The following ULK1 variants were observed in gnomAD, a reference collection of about 807,000 sequenced individuals.
ULK1 encodes serine/threonine-protein kinase ULK1.
ULK1 carries 48 observed loss-of-function variants against 117.5 expected under a neutral mutation model. That is an observed-to-expected ratio of 0.41 (90% confidence interval 0.32 to 0.52). ULK1 has a LOEUF of 0.52. ULK1 is among the 20% of genes least tolerant of loss of function. ULK1 has a pLI of 0.29. For synonymous variants in ULK1, 790 were observed against 637.8 expected (o/e 1.24, Z -3.60); for missense variants, 1,387 against 1,473.4 (o/e 0.94, Z 0.96).
intron 23 of ULK1, 85 bp downstream of exon 23, chr12:131,918,766 T>TGTGTGGGGTGTAGG (rs1889985465): frequency 1.7e-6 from 2 of 1,199,504 alleles, no homozygotes; most frequent in Non-Finnish European, 1.1e-6. Context: ...GGGTATAGGG[T>TGTGTGGGGTGTAGG]GTGTGGGGTG....
intron 8 of ULK1, 117 bp from the exon 9 acceptor site, chr12:131,909,658 C>T: frequency 2.7e-6 from 3 of 1,109,112 alleles, no homozygotes; most frequent in South Asian, 1.6e-5. Context: ...CACCCGGTTT[C>T]CCCCGGGCTT....
At position 131,921,764 on chromosome 12, in the gene ULK1, C is replaced by T. The variant is rs763094377; in HGVS notation, c.*403C>T. On this transcript the variant is annotated 3_prime_UTR_variant, in exon 28 of 28. Coordinates refer to ENST00000321867, the MANE Select transcript of ULK1 (RefSeq NM_003565.4). ...AGGCACTGTGCCCAGGAAGAGCCTG[C>T]GGCCTCGGCGTCCCCCAGTCTCCAG... is the stretch of plus-strand genomic sequence containing the variant. 14 of 523,804 alleles carry T rather than the reference C, an allele frequency of 2.7e-5. No individual in the cohort carries two copies. Among genetic ancestry groups the T allele is most frequent in the South Asian group, 1.4e-4 (9 of 65,052 alleles). 32.4% of individuals were successfully genotyped at this position (523,804 alleles called of 1,614,324 possible).
chr12:131,910,345 A>C, intron 11 of ULK1, 41 bp downstream of exon 11: 1 of 1,611,918 alleles, frequency 6.2e-7, no homozygotes, highest in South Asian at 1.1e-5. Context: ...TGGGCCCTGC[A>C]TGCACCCCTT....
rs753887229 is a variant in ULK1 at position 131,909,848 on chromosome 12, G to GCCTTC, written c.725+28_725+32dup. The stretch of plus-strand genomic sequence containing the variant: ...TTGGTCCCCACGTAAGCACCCTCCC[G>GCCTTC]CCTTCCCTTCCCTTCCCCCGCGGGC... On this transcript the variant is annotated intron_variant, in intron 9 of 27. Coordinates refer to ENST00000321867, the MANE Select transcript of ULK1 (RefSeq NM_003565.4). 51 of 1,610,918 alleles carry GCCTTC rather than the reference G, an allele frequency of 3.2e-5. No homozygotes were observed. Among genetic ancestry groups the GCCTTC allele is most frequent in the African/African-American group, 9.3e-5 (7 of 74,984 alleles).
chr12:131,921,028 G>A, intron 26 of ULK1, 72 bp from the exon 27 acceptor site: 1 of 1,492,916 alleles, frequency 6.7e-7, no homozygotes, highest in Admixed American at 2.2e-5. Context: ...CCGCTGCCGT[G>A]GGTGCAGGGC....
chr12:131,906,587 C>G (rs1176686888), intron 3 of ULK1: 1 of 454,070 alleles, frequency 2.2e-6, no homozygotes, highest in Non-Finnish European at 4.0e-6. Flanking sequence ...GTCACACACA[C>G]CTGCCCACAC....
At chr12:131,910,413 G>T in intron 11 of ULK1, 109 bp downstream of exon 11, 1 of 1,516,318 alleles carries the variant, frequency 6.6e-7, no homozygotes, top group Non-Finnish European at 9.1e-7. Flanking sequence ...GTCTTGAGCT[G>T]CGGCCAGCTC....
chr12:131,913,001 G>A (rs1055220980), intron 13 of ULK1, among the ~76,000 whole-genome samples, 197 bp from the exon 14 acceptor site: 3 of 152,172 alleles, frequency 2.0e-5, no homozygotes, highest in Non-Finnish European at 4.4e-5. Flanking sequence ...CTGGTCTCCC[G>A]GAGCTGGCCT....
At chr12:131,916,242 G>A in intron 19 of ULK1, 83 bp downstream of exon 19, 2 of 1,553,182 alleles carry the variant, frequency 1.3e-6, no homozygotes, top group South Asian at 1.2e-5. Flanking sequence ...AAAGACCGAG[G>A]AAGGCAGCTC....
At position 131,917,106 on chromosome 12, in the gene ULK1, GA is replaced by G. The variant is rs761658971; in HGVS notation, c.2182+45del. On this transcript the variant is annotated intron_variant, in intron 21 of 27. Coordinates refer to ENST00000321867, the MANE Select transcript of ULK1 (RefSeq NM_003565.4). The stretch of plus-strand genomic sequence containing the variant: ...CTCGGAGGCTGTGGGATGGGGGTCG[GA>G]GGCTGTGGGATGGGGGTCGGAGGCT... The G allele has an allele frequency of 3.5e-3, 4,455 of 1,285,220 alleles. 280 individuals are homozygous for G. Among genetic ancestry groups the G allele is most frequent in the South Asian group, 0.015 (987 of 65,210 alleles). 79.6% of individuals were successfully genotyped at this position (1,285,220 alleles called of 1,614,324 possible). A position where few individuals can be genotyped will look rare whatever the true frequency, so the allele number is the denominator to read the frequency against.
chr12:131,915,793 T>TG (rs1889751299), intron 18 of ULK1, 98 bp from the exon 19 acceptor site: 1 of 1,511,328 alleles, frequency 6.6e-7, no homozygotes, highest in African/African-American at 1.4e-5. Flanking sequence ...AGTGGGGCCT[T>TG]GGAGTGCGTC....
chr12:131,916,305 G>T, intron 19 of ULK1, 93 bp from the exon 20 acceptor site: 1 of 1,516,114 alleles, frequency 6.6e-7, no homozygotes, highest in Non-Finnish European at 8.9e-7. Flanking sequence ...CCACATGCCT[G>T]CCAGTTCCTG....
At chr12:131,911,448 G>A (rs1034612860) in intron 12 of ULK1, among the ~76,000 whole-genome samples, 34 of 152,226 alleles carry the variant, frequency 2.2e-4, no homozygotes, top group African/African-American at 8.0e-4. Context: ...TGTGGCATCC[G>A]CAGACCTGCC....
intron 10 of ULK1, 73 bp downstream of exon 10, chr12:131,910,074 C>A: frequency 6.3e-7 from 1 of 1,578,708 alleles, no homozygotes. Context: ...GAGCAGGGCC[C>A]ACCGGCTTCA....
rs1362553553 is a variant in ULK1, at chr12:131,909,212, G to T, written c.641G>T (p.Cys214Phe). 2 of 1,607,066 alleles carry T rather than the reference G, an allele frequency of 1.2e-6. No homozygotes were observed. Among genetic ancestry groups the T allele is most frequent in the Admixed American group, 1.7e-5 (1 of 59,392 alleles). Reference protein sequence around the residue: ...LWSIGTIVYQCLTGKAPFQAS... With the variant: ...LWSIGTIVYQFLTGKAPFQAS... ...AGCATCGGCACCATCGTCTACCAGTGCCTGACGGGGAAGGCGCCCTTCCAG... is the reference window on the plus strand; with the variant it reads ...AGCATCGGCACCATCGTCTACCAGTTCCTGACGGGGAAGGCGCCCTTCCAG... Residue 214 changes from cysteine to phenylalanine, a missense_variant, in exon 8 of 28, where the codon TGC becomes TTC. Coordinates refer to ENST00000321867, the MANE Select transcript of ULK1 (RefSeq NM_003565.4).
intron 13 of ULK1, among the ~76,000 whole-genome samples, 198 bp from the exon 14 acceptor site, chr12:131,913,000 C>G (rs537428165): frequency 6.6e-6 from 1 of 151,982 alleles, no homozygotes; most frequent in South Asian, 2.1e-4. Flanking sequence ...TCTGGTCTCC[C>G]GGAGCTGGCC....
intron 18 of ULK1, 83 bp from the exon 19 acceptor site, chr12:131,915,808 C>T (rs1889751934): frequency 6.4e-7 from 1 of 1,569,110 alleles, no homozygotes; most frequent in Non-Finnish European, 8.6e-7. Flanking sequence ...TGCGTCTACC[C>T]CAAGGGGCTC....
chr12:131,899,126 C>G (rs1888991871), intron 3 of ULK1, among the ~76,000 whole-genome samples: 2 of 152,086 alleles, frequency 1.3e-5, no homozygotes, highest in African/African-American at 4.8e-5. Flanking sequence ...TTCGACCTCC[C>G]AAAGTGCTGG....
At chr12:131,895,483 C>A in intron 1 of ULK1, 118 bp from the exon 2 acceptor site, 3 of 848,524 alleles carry the variant, frequency 3.5e-6, no homozygotes, top group South Asian at 3.3e-5. Context: ...CCCACTCGGC[C>A]TTCCAGTCCC....
Sources: gnomAD v4.1 joint callset for allele counts (sites outside exome capture counted in the v4.1 genomes callset) on GRCh38, gnomAD v4.1.1 for gene constraint, MANE v1.5 for transcripts, NCBI Gene and HGNC (gene_info 2026-07-23, HGNC 2026-07-21) for gene names.